The following ZFYVE1 variants were observed in gnomAD, a reference collection of about 807,000 sequenced individuals.
ZFYVE1 encodes zinc finger FYVE-type containing 1.
In ZFYVE1, 30 loss-of-function variants were observed where a neutral mutation model predicts 74.4. The ratio of observed to expected loss-of-function variants is 0.40; its 90% CI spans 0.30 to 0.55. ZFYVE1 has a LOEUF of 0.55. Ranked by LOEUF, ZFYVE1 falls within the 20% of genes least tolerant of loss-of-function variation. The pLI, the probability that ZFYVE1 is intolerant of heterozygous loss-of-function variation, is 0.42. For missense variants in ZFYVE1, 703 were observed against 1,011.6 expected, an observed-to-expected ratio of 0.69 and a Z score of 4.14; for synonymous variants, 335 against 385.1, an observed-to-expected ratio of 0.87 and a Z score of 1.52.
chr14:73,000,233 G>A (rs922386958), intron 2 of ZFYVE1, among the ~76,000 whole-genome samples: 3 of 152,168 alleles, frequency 2.0e-5, no homozygotes, highest in African/African-American at 7.2e-5. Context: ...ATAAGCATCT[G>A]AAAAGATGCT....
In ZFYVE1 at chr14:73,005,923, A is replaced by AT. The variant is rs879743746; in HGVS notation, c.484-7609dup. On this transcript the variant is annotated intron_variant, in intron 2 of 11. Transcript: ENST00000556143. ...AACCACCTCCTGCTAATCAAAACAC[A>AT]TTTTTTTTTTTTTTATGAGACGGAG... Among the ~76,000 whole-genome samples the AT allele has an allele frequency of 1.1e-3, 163 of 143,198 alleles. 1 individual carries two copies. The highest frequency in any genetic ancestry group is 3.5e-3 in the Middle Eastern group (1 of 282). 93.9% of individuals were successfully genotyped at this position (143,198 alleles called of 152,430 possible).
rs369558562 is a variant in ZFYVE1, at chr14:72,993,168, G to A, written c.1178C>T (p.Pro393Leu). 6.2e-6 allele frequency: 10 copies of A among 1,610,852 alleles called. No homozygotes were observed. Among genetic ancestry groups the A allele is most frequent in the African/African-American group, 5.3e-5 (4 of 74,782 alleles). ...CTTCAGGGCTTTGAAGATGACTCCC[G>A]GGTGCCGGGGAGAACGGGTGGTGTT... ...ENNTTRSPRH[P>L]GVIFKALKAL... is the part of the protein sequence containing the mutation. The change falls in exon 4 of 12, where the codon CCG becomes CTG. Residue 393 changes from proline to leucine, a missense_variant. This residue lies in a region of ZFYVE1 where 492 missense variants were observed against 790.0 expected (regional missense o/e 0.62). Coordinates refer to ENST00000556143, the MANE Select transcript of ZFYVE1 (RefSeq NM_021260.4).
intron 8 of ZFYVE1, among the ~76,000 whole-genome samples, chr14:72,976,094 C>T (rs1211218826): frequency 6.6e-6 from 1 of 152,128 alleles, no homozygotes; most frequent in African/African-American, 2.4e-5. Context: ...TATCTGACTT[C>T]CCTATTAAAC....
chr14:72,982,002 G>A, intron 4 of ZFYVE1, 107 bp from the exon 5 acceptor site: 2 of 907,806 alleles, frequency 2.2e-6, no homozygotes, highest in Middle Eastern at 3.2e-4. Flanking sequence ...AAGAAATCCA[G>A]TAACTTCTGC....
chr14:72,980,552 T>TATTTA (rs1464205796), intron 5 of ZFYVE1, among the ~76,000 whole-genome samples: 1 of 118,052 alleles, frequency 8.5e-6, no homozygotes, highest in Non-Finnish European at 2.1e-5. Flanking sequence ...TTTATTTATT[T>TATTTA]ATTTATTTAT....
chr14:73,015,344 A>AG (rs1335117693), intron 2 of ZFYVE1, among the ~76,000 whole-genome samples: 2 of 73,474 alleles, frequency 2.7e-5, no homozygotes, highest in Non-Finnish European at 5.0e-5. Flanking sequence ...GGGGGAAGGA[A>AG]AGGGGAAGGA....
intron 1 of ZFYVE1, among the ~76,000 whole-genome samples, chr14:73,025,713 A>AG (rs905259567): frequency 7.2e-5 from 11 of 151,774 alleles, no homozygotes; most frequent in Non-Finnish European, 1.6e-4. Context: ...AAAAAAAAAA[A>AG]AAATCTCAAA....
At chr14:72,984,071 C>G (rs1224295495) in intron 4 of ZFYVE1, among the ~76,000 whole-genome samples, 1 of 152,110 alleles carries the variant, frequency 6.6e-6, no homozygotes, top group Non-Finnish European at 1.5e-5. Context: ...CACAACTCAC[C>G]CAAGGACATT....
Position 72,999,176 on chromosome 14 carries a change from C to T in ZFYVE1, c.484-861G>A, listed in dbSNP as rs1328639126. Among the ~76,000 whole-genome samples, 3 of 152,000 alleles carry T rather than the reference C, an allele frequency of 2.0e-5. No individual in the cohort carries two copies. In the East Asian group the frequency reaches 5.8e-4, roughly 29 times the overall value. On this transcript the variant is annotated intron_variant, in intron 2 of 11. Coordinates refer to ENST00000556143, the MANE Select transcript of ZFYVE1 (RefSeq NM_021260.4). ...GGGTGCGGTGGCTCACACCTGTAAT[C>T]CCAACACTTTGTGAGGCCAAGGCAG...
intron 2 of ZFYVE1, among the ~76,000 whole-genome samples, chr14:73,017,943 TGCAC>T (rs1366791927): frequency 6.6e-6 from 1 of 152,212 alleles, no homozygotes; most frequent in Non-Finnish European, 1.5e-5. Context: ...TTCTACAGCC[TGCAC>T]GGCCTCCCAT....
intron 8 of ZFYVE1, among the ~76,000 whole-genome samples, chr14:72,976,873 G>A (rs1171220453): frequency 6.6e-6 from 1 of 152,102 alleles, no homozygotes; most frequent in Non-Finnish European, 1.5e-5. Context: ...GGACCTGCAG[G>A]TAGAACTCCT....
intron 11 of ZFYVE1, among the ~76,000 whole-genome samples, chr14:72,971,368 A>G (rs1893031281): frequency 6.6e-6 from 1 of 152,052 alleles, no homozygotes; most frequent in Non-Finnish European, 1.5e-5. Flanking sequence ...TCAGAGTCTC[A>G]TTCTGTCGCC....
At chr14:73,013,006 T>C (rs1458902785) in intron 2 of ZFYVE1, among the ~76,000 whole-genome samples, 1 of 152,162 alleles carries the variant, frequency 6.6e-6, no homozygotes, top group Non-Finnish European at 1.5e-5. Flanking sequence ...CACTTGAACC[T>C]GAGGGTCTGT....
At position 73,024,725 on chromosome 14, in the gene ZFYVE1, T is replaced by A; in HGVS notation, c.-217A>T. On this transcript the variant is annotated 5_prime_UTR_variant, in exon 2 of 12. Transcript: ENST00000556143. ...TAAGACTCTTGTATTAGCAGCAACG[T>A]TGATTTGGTTTGATGGTTTCATCCT... The A allele has an allele frequency of 1.7e-6, 1 of 589,242 alleles. No homozygotes were observed. Among genetic ancestry groups the A allele is most frequent in the Non-Finnish European group, 2.8e-6 (1 of 362,992 alleles). The allele number at this position is 589,242 out of a possible 1,614,324, so 36.5% of individuals were successfully genotyped here.
intron 2 of ZFYVE1, among the ~76,000 whole-genome samples, chr14:73,007,076 G>A (rs1237227186): frequency 2.0e-5 from 3 of 152,086 alleles, no homozygotes; most frequent in Non-Finnish European, 4.4e-5. Flanking sequence ...TGCGACCCAA[G>A]CAGGCCAAGG....
intron 8 of ZFYVE1, among the ~76,000 whole-genome samples, chr14:72,976,553 G>C (rs1468157792): frequency 6.6e-6 from 1 of 152,122 alleles, no homozygotes; most frequent in Non-Finnish European, 1.5e-5. Context: ...GGGAGGCCGA[G>C]GTAGGTGGAT....
intron 3 of ZFYVE1, among the ~76,000 whole-genome samples, chr14:72,997,446 C>T (rs1232837428): frequency 6.6e-6 from 1 of 152,134 alleles, no homozygotes; most frequent in African/African-American, 2.4e-5. Flanking sequence ...GATTCTCCCA[C>T]ATGAGCCTCC....
intron 2 of ZFYVE1, among the ~76,000 whole-genome samples, chr14:73,023,779 C>A (rs1894395727): frequency 1.3e-5 from 2 of 152,148 alleles, no homozygotes; most frequent in Admixed American, 1.3e-4. Context: ...TTCAACCTCA[C>A]AACTCGATGA....
intron 2 of ZFYVE1, among the ~76,000 whole-genome samples, chr14:73,012,298 A>G (rs1471794740): frequency 6.6e-6 from 1 of 152,126 alleles, no homozygotes; most frequent in African/African-American, 2.4e-5. Context: ...AACTAAACCC[A>G]TGAGTCACCA....
Sources: gnomAD v4.1 joint callset for allele counts (sites outside exome capture counted in the v4.1 genomes callset) on GRCh38, gnomAD v4.1.1 for gene constraint, gnomAD v4.1.1 regional missense constraint, MANE v1.5 for transcripts, NCBI Gene and HGNC (gene_info 2026-07-23, HGNC 2026-07-21) for gene names.